The following SMYD3 variants were observed in gnomAD, a reference collection of about 807,000 sequenced individuals.
SMYD3 encodes the protein histone-lysine N-methyltransferase SMYD3.
A neutral mutation model predicts 57.7 loss-of-function variants in SMYD3; 36 were observed. The observed-to-expected ratio is 0.62, with a 90% CI of 0.48 to 0.82. The LOEUF is 0.82. SMYD3 is among the 40% of genes least tolerant of loss of function. SMYD3 has a pLI of 0.00. For missense variants in SMYD3, 515 were observed against 538.8 expected, an observed-to-expected ratio of 0.96 and a Z score of 0.44; for synonymous variants, 211 against 195.0, an observed-to-expected ratio of 1.08 and a Z score of -0.68.
At chr1:245,912,729 CA>C (rs1422179876) in intron 8 of SMYD3, among the ~76,000 whole-genome samples, 2 of 152,160 alleles carry the variant, frequency 1.3e-5, no homozygotes, top group Non-Finnish European at 2.9e-5. Context: ...TGATTGTCAA[CA>C]AAGGCACCAA....
Position 246,259,687 on chromosome 1 carries a change from A to G in SMYD3, c.531+67514T>C, listed in dbSNP as rs76582307. Reference sequence around the variant, plus strand: ...GTTGCCTCAGACAATGGGCTGATACATAGAATGCATAGTGGTCTGAGCTCC... The same window carrying G: ...GTTGCCTCAGACAATGGGCTGATACGTAGAATGCATAGTGGTCTGAGCTCC... On this transcript the variant is annotated intron_variant, in intron 5 of 11. Coordinates refer to ENST00000490107, the MANE Select transcript of SMYD3 (RefSeq NM_001167740.2). Among the ~76,000 whole-genome samples the G allele has an allele frequency of 5.3e-3, 813 of 152,320 alleles. 5 individuals carry two copies. Among genetic ancestry groups the G allele is most frequent in the Non-Finnish European group, 9.6e-3 (656 of 68,034 alleles).
chr1:245,824,162 C>T (rs1163300913), intron 10 of SMYD3, among the ~76,000 whole-genome samples: 1 of 152,218 alleles, frequency 6.6e-6, no homozygotes, highest in Admixed American at 6.5e-5. Context: ...AGTAGGGAAA[C>T]AGCGGTACCC....
At chr1:245,894,281 C>T (rs9728411) in intron 8 of SMYD3, among the ~76,000 whole-genome samples, 10 of 224 alleles carry the variant, frequency 0.045, no homozygotes, top group Non-Finnish European at 0.06. Context: ...CAATCAGCAC[C>T]CTGTAAAATG....
Position 246,133,493 on chromosome 1 carries a change from T to G in SMYD3, c.531+193708A>C, listed in dbSNP as rs75552198. Among the ~76,000 whole-genome samples the G allele has an allele frequency of 7.0e-3, 1,069 of 152,230 alleles. 5 individuals are homozygous for G. Among genetic ancestry groups the G allele is most frequent in the Middle Eastern group, 0.031 (9 of 294 alleles). ...AAACTTATTATCTAATGATAGTATCTCATTGTTCCTTCAGTTTTTAATATA... is the reference window on the plus strand; with the variant it reads ...AAACTTATTATCTAATGATAGTATCGCATTGTTCCTTCAGTTTTTAATATA... On this transcript the variant is annotated intron_variant, in intron 5 of 11. Coordinates refer to ENST00000490107, the MANE Select transcript of SMYD3 (RefSeq NM_001167740.2).
intron 10 of SMYD3, among the ~76,000 whole-genome samples, chr1:245,815,163 C>T (rs1281699394): frequency 6.6e-6 from 1 of 152,228 alleles, no homozygotes; most frequent in South Asian, 2.1e-4. Context: ...TGCTTTTACA[C>T]TCATGGCCCC....
At chr1:245,887,800 A>T (rs1258652876) in intron 8 of SMYD3, among the ~76,000 whole-genome samples, 1 of 152,184 alleles carries the variant, frequency 6.6e-6, no homozygotes, top group African/African-American at 2.4e-5. Flanking sequence ...TTTCAATCTC[A>T]GGATTCCCAT....
intron 5 of SMYD3, among the ~76,000 whole-genome samples, chr1:246,016,547 C>T (rs375417025): frequency 2.0e-5 from 3 of 151,954 alleles, no homozygotes; most frequent in Non-Finnish European, 4.4e-5. Context: ...CATGCCACTG[C>T]TCTCCAGCCT....
intron 2 of SMYD3, among the ~76,000 whole-genome samples, chr1:246,351,360 T>C (rs1227395290): frequency 3.9e-5 from 6 of 152,208 alleles, no homozygotes; most frequent in Non-Finnish European, 2.9e-5. Flanking sequence ...ACTTGGTGAA[T>C]TACTTGAAAT....
chr1:246,103,810 T>C (rs2061063630), intron 5 of SMYD3, among the ~76,000 whole-genome samples: 1 of 152,220 alleles, frequency 6.6e-6, no homozygotes, highest in Non-Finnish European at 1.5e-5. Context: ...CCTGGGTGCA[T>C]TCTAGAACCC....
At chr1:245,752,535 A>G (rs957637241) in intron 11 of SMYD3, among the ~76,000 whole-genome samples, 26 of 152,224 alleles carry the variant, frequency 1.7e-4, no homozygotes, top group Non-Finnish European at 3.5e-4. Flanking sequence ...AACATACTAC[A>G]GGCTCCAGGC....
intron 10 of SMYD3, among the ~76,000 whole-genome samples, chr1:245,857,009 G>T (rs2051277184): frequency 6.6e-6 from 1 of 152,120 alleles, no homozygotes; most frequent in South Asian, 2.1e-4. Context: ...CTTTGAATGC[G>T]ATTCGTATTT....
At chr1:246,480,023 C>T (rs550849556) in intron 1 of SMYD3, among the ~76,000 whole-genome samples, 1 of 152,330 alleles carries the variant, frequency 6.6e-6, no homozygotes, top group Non-Finnish European at 1.5e-5. Flanking sequence ...TGTTTGGATT[C>T]AGCCTGTGTA....
intron 1 of SMYD3, among the ~76,000 whole-genome samples, chr1:246,435,763 C>CCAAGAATTCCAAGGAGAAGATA (rs1558463767): frequency 6.6e-6 from 1 of 151,758 alleles, no homozygotes; most frequent in East Asian, 1.9e-4. Context: ...TACAAGAATT[C>CCAAGAATTCCAAGGAGAAGATA]CAAGAATTCC....
intron 5 of SMYD3, among the ~76,000 whole-genome samples, chr1:246,028,123 T>A (rs1054396144): frequency 6.6e-6 from 1 of 152,094 alleles, no homozygotes; most frequent in African/African-American, 2.4e-5. Context: ...TTGACAATGC[T>A]GACAAACTGA....
chr1:245,777,467 G>A (rs1037025782), intron 10 of SMYD3, among the ~76,000 whole-genome samples: 4 of 152,040 alleles, frequency 2.6e-5, no homozygotes, highest in Non-Finnish European at 5.9e-5. Context: ...TGGTCTTCTT[G>A]CCTGAGGCTA....
At chr1:246,346,831 C>T (rs1285519797) in intron 2 of SMYD3, among the ~76,000 whole-genome samples, 1 of 152,058 alleles carries the variant, frequency 6.6e-6, no homozygotes, top group East Asian at 1.9e-4. Context: ...AGAGACAGAG[C>T]GAGCATTAGT....
intron 1 of SMYD3, among the ~76,000 whole-genome samples, chr1:246,385,367 T>G (rs146496345): frequency 0.013 from 1,895 of 142,610 alleles, 44 homozygotes; most frequent in African/African-American, 0.045. Flanking sequence ...GTATTTCAAT[T>G]TATTCTTAAT....
In SMYD3 at chr1:245,928,047, G is replaced by T; in HGVS notation, c.600-14C>A. ...AGCAAAGAGATACTGGAAAAAAAAA[G>T]GGGGGAAGACTGTCACAGCTCAGCA... On this transcript the variant is annotated splice_polypyrimidine_tract_variant and intron_variant, in intron 6 of 11. Transcript: ENST00000490107. 6.3e-7 allele frequency: 1 copy of T among 1,585,610 alleles called. No individual in the cohort carries two copies. The highest frequency in any genetic ancestry group is 8.6e-7 in the Non-Finnish European group (1 of 1,157,444).
At chr1:245,991,361 C>G (rs889458318) in intron 5 of SMYD3, among the ~76,000 whole-genome samples, 3 of 152,136 alleles carry the variant, frequency 2.0e-5, no homozygotes, top group Non-Finnish European at 4.4e-5. Context: ...ACAGAGATAC[C>G]AGCAGAGAAC....
Sources: allele counts gnomAD v4.1 joint callset (sites outside exome capture counted in the v4.1 genomes callset), GRCh38; gene constraint gnomAD v4.1.1; transcripts MANE v1.5; gene names NCBI Gene and HGNC (gene_info 2026-07-23, HGNC 2026-07-21).